The following ARHGAP22 variants were observed in gnomAD, a reference collection of about 807,000 sequenced individuals.
ARHGAP22 encodes Rho GTPase activating protein 22.
ARHGAP22 carries 48 observed loss-of-function variants against 59.1 expected under a neutral mutation model. That is an observed-to-expected ratio of 0.81 (90% CI 0.64 to 1.03). ARHGAP22 has a LOEUF of 1.03. Ranked by LOEUF, ARHGAP22 falls within the 50% of genes least tolerant of loss-of-function variation. The pLI, the probability that ARHGAP22 is intolerant of heterozygous loss-of-function variation, is 0.00. For synonymous variants in ARHGAP22, 445 were observed against 416.4 expected (o/e 1.07, Z -0.84); for missense variants, 1,015 against 958.7 (o/e 1.06, Z -0.78).
chr10:48,458,460 T>A (rs2046797969), intron 5 of ARHGAP22, among the ~76,000 whole-genome samples: 1 of 152,006 alleles, frequency 6.6e-6, no homozygotes, highest in South Asian at 2.1e-4. Flanking sequence ...CCCAGCAGGA[T>A]GGGAGAAGCT....
chr10:48,453,985 C>G (rs900460560), intron 7 of ARHGAP22, 103 bp downstream of exon 7: 3 of 1,250,864 alleles, frequency 2.4e-6, no homozygotes, highest in Non-Finnish European at 3.5e-6. Flanking sequence ...GGGAATGACC[C>G]GGGCCCCCCT....
At chr10:48,438,399 T>A in the ARHGAP22 span, 1 of 152,194 alleles carries the variant, frequency 6.6e-6, no homozygotes, top group African/African-American at 2.4e-5. Context: ...AATGTATAGT[T>A]TGGGGTACGA....
chr10:48,435,634 C>T, the ARHGAP22 span: 1 of 152,172 alleles, frequency 6.6e-6, no homozygotes, highest in African/African-American at 2.4e-5. Flanking sequence ...AATTGGTAGG[C>T]AATCCTACTT....
chr10:48,654,442 T>C (rs904780070), upstream of ARHGAP22, among the ~76,000 whole-genome samples: 4 of 152,220 alleles, frequency 2.6e-5, no homozygotes, highest in Non-Finnish European at 5.9e-5. Flanking sequence ...CACCCATCCC[T>C]GAACCACCCA....
At chr10:48,493,597 G>A (rs534360808) in intron 3 of ARHGAP22, 17 of 1,478,122 alleles carry the variant, frequency 1.2e-5, no homozygotes, top group Admixed American at 2.1e-5. Context: ...GCAGGGCTGC[G>A]GCCACTCGGC....
chr10:48,479,337 A>C, intron 4 of ARHGAP22: 2 of 498,100 alleles, frequency 4.0e-6, no homozygotes, highest in Non-Finnish European at 3.5e-6. Context: ...CCCACAGAGA[A>C]TGGAGATGAG....
intron 1 of ARHGAP22, among the ~76,000 whole-genome samples, chr10:48,601,829 T>A (rs558525671): frequency 6.6e-6 from 1 of 152,240 alleles, no homozygotes; most frequent in Non-Finnish European, 1.5e-5. Context: ...AAACATTCTA[T>A]GAGTTGTCTA....
At chr10:48,583,447 C>G (rs998359305) in intron 1 of ARHGAP22, among the ~76,000 whole-genome samples, 2 of 152,230 alleles carry the variant, frequency 1.3e-5, no homozygotes, top group Non-Finnish European at 2.9e-5. Flanking sequence ...ATCCATGCAT[C>G]CATGTATCCA....
At chr10:48,544,805 C>T (rs565917329) in intron 3 of ARHGAP22, among the ~76,000 whole-genome samples, 1 of 152,182 alleles carries the variant, frequency 6.6e-6, no homozygotes, top group Non-Finnish European at 1.5e-5. Context: ...ATATGCTAAT[C>T]ACCCTAATCT....
chr10:48,509,254 C>CG (rs1339603671), intron 3 of ARHGAP22, among the ~76,000 whole-genome samples: 2 of 152,036 alleles, frequency 1.3e-5, no homozygotes, highest in African/African-American at 2.4e-5. Flanking sequence ...TCCTGGCCAG[C>CG]GTGGGGGACC....
At chr10:48,503,220 G>A (rs2051715441) in intron 3 of ARHGAP22, among the ~76,000 whole-genome samples, 1 of 152,242 alleles carries the variant, frequency 6.6e-6, no homozygotes, top group Admixed American at 6.5e-5. Context: ...TTAACTGTCA[G>A]CTGAAGACCA....
intron 4 of ARHGAP22, among the ~76,000 whole-genome samples, chr10:48,460,726 T>C (rs1248047012): frequency 1.9e-5 from 1 of 51,816 alleles, no homozygotes; most frequent in African/African-American, 3.9e-5. Context: ...AAGCAAGCCA[T>C]GTGTCCATCA....
At chr10:48,590,321 G>A (rs899527588) in intron 1 of ARHGAP22, among the ~76,000 whole-genome samples, 3 of 152,038 alleles carry the variant, frequency 2.0e-5, no homozygotes, top group Admixed American at 2.0e-4. Flanking sequence ...GGTCAGGTAG[G>A]GTGATGAGTC....
chr10:48,502,843 C>G (rs1260267050), intron 3 of ARHGAP22, among the ~76,000 whole-genome samples: 4 of 152,270 alleles, frequency 2.6e-5, no homozygotes, highest in African/African-American at 7.2e-5. Context: ...AAGCAAGAGT[C>G]TCTGCCTCTC....
At chr10:48,504,682 G>A (rs2051896693) in intron 3 of ARHGAP22, among the ~76,000 whole-genome samples, 1 of 152,172 alleles carries the variant, frequency 6.6e-6, no homozygotes, top group Admixed American at 6.5e-5. Flanking sequence ...TCTTCTGTGG[G>A]GCTCCGTGGG....
chr10:48,585,628 C>T (rs537187930), intron 1 of ARHGAP22, among the ~76,000 whole-genome samples: 1 of 152,210 alleles, frequency 6.6e-6, no homozygotes, highest in East Asian at 1.9e-4. Context: ...GAGGCCTCAT[C>T]TCTTCTCTCT....
At chr10:48,600,347 A>T (rs1008314526) in intron 1 of ARHGAP22, among the ~76,000 whole-genome samples, 2 of 152,066 alleles carry the variant, frequency 1.3e-5, no homozygotes, top group African/African-American at 4.8e-5. Flanking sequence ...GAAAAGTGTC[A>T]CTCTGGTTGG....
At chr10:48,627,973 A>C (rs1311371082) in intron 1 of ARHGAP22, among the ~76,000 whole-genome samples, 1 of 152,212 alleles carries the variant, frequency 6.6e-6, no homozygotes, top group Non-Finnish European at 1.5e-5. Context: ...GAGTTGCTTG[A>C]AGTATCAGTC....
intron 3 of ARHGAP22, among the ~76,000 whole-genome samples, chr10:48,535,092 G>T (rs1200260417): frequency 6.6e-6 from 1 of 152,182 alleles, no homozygotes; most frequent in African/African-American, 2.4e-5. Flanking sequence ...TGCTGACACT[G>T]TAAGGAGGGA....
Sources: allele counts gnomAD v4.1 joint callset (sites outside exome capture counted in the v4.1 genomes callset), GRCh38; gene constraint gnomAD v4.1.1; transcripts MANE v1.5; gene names NCBI Gene and HGNC (gene_info 2026-07-23, HGNC 2026-07-21).